Variants in GRIA3 observed in about 807,000 individuals in gnomAD.
The protein encoded by GRIA3 is glutamate receptor 3.
Under a neutral mutation model 63.0 loss-of-function variants are expected in GRIA3, and 3 were observed. That is an observed-to-expected ratio of 0.05 (90% CI 0.02 to 0.12). GRIA3 has a LOEUF of 0.12. GRIA3 is among the 10% of genes least tolerant of loss of function. GRIA3 has a pLI of 1.00. For missense variants in GRIA3, 347 were observed against 700.9 expected, an observed-to-expected ratio of 0.50 and a Z score of 5.70; for synonymous variants, 274 against 257.9, an observed-to-expected ratio of 1.06 and a Z score of -0.60.
rs2045426186 is a variant in GRIA3 at position 123,398,512 on chromosome X, TTAAA to T, written c.913-117_913-114del. 1.3e-5 allele frequency: 7 copies of T among 552,410 alleles called. No homozygotes were observed. The South Asian group carries it at 1.6e-4, about 13-fold the overall frequency. The allele number at this position is 552,410 out of a possible 1,213,427, so 45.5% of individuals were successfully genotyped here. ...ATTCAGGCTTGCCCAGAGAGATCTC[TTAAA>T]TAAATAGGGGGGTGACTGCATAGAA... is the stretch of plus-strand genomic sequence containing the variant. On this transcript the variant is annotated intron_variant, in intron 6 of 15. Coordinates refer to ENST00000620443, the MANE Select transcript of GRIA3 (RefSeq NM_007325.5).
intron 5 of GRIA3, among the ~76,000 whole-genome samples, chrX:123,369,296 G>C (rs933095169): frequency 4.4e-5 from 5 of 112,461 alleles, no homozygotes; most frequent in Non-Finnish European, 7.5e-5. Context: ...GCAGAAGAGA[G>C]CCAAGAGCCA....
At chrX:123,185,808 A>T in intron 1 of GRIA3, 24 bp from the exon 2 acceptor site, 1 of 1,204,648 alleles carries the variant, frequency 8.3e-7, no homozygotes, top group Admixed American at 2.2e-5. Context: ...ACACAAGCCA[A>T]ATCTCCGTTC....
At chrX:123,470,401 C>CA (rs1317665290) in intron 13 of GRIA3, among the ~76,000 whole-genome samples, 22 of 111,859 alleles carry the variant, frequency 2.0e-4, no homozygotes, top group Non-Finnish European at 5.7e-5. Context: ...TAAATCGTTT[C>CA]AAAAAATGCC....
At position 123,482,915 on chromosome X, in the gene GRIA3, A is replaced by G. The variant is rs988940382; in HGVS notation, c.2556A>G (p.Ala852=). The G allele has an allele frequency of 2.5e-6, 3 of 1,208,899 alleles. No homozygotes were observed. The highest frequency in any genetic ancestry group is 3.5e-5 in the African/African-American group (2 of 56,863). Residue 852 remains alanine (A), a synonymous_variant, in exon 15 of 16, where the codon GCA becomes GCG. Transcript: ENST00000620443. Reference sequence around the variant, plus strand: ...TAGAATTCTGTTACAAATCACGGGCAGAGTCCAAACGCATGAAACTCACAA... The same window carrying G: ...TAGAATTCTGTTACAAATCACGGGCGGAGTCCAAACGCATGAAACTCACAA... ...ALIEFCYKSR[A]ESKRMKLTKN...
rs1478755954 is a variant in GRIA3 at position 123,456,910 on chromosome X, C to G, written c.2077-7955C>G. Among the ~76,000 whole-genome samples the G allele has an allele frequency of 1.4e-3, 154 of 111,417 alleles. No homozygotes were observed. The Admixed American group carries it at 0.015, about 11-fold the overall frequency. On this transcript the variant is annotated intron_variant, in intron 12 of 15. Transcript: ENST00000620443. ...AGCCACCCTTTTGAATTTTTACCAC[C>G]TAGACACCTGAGCCTTTAATAAAAG...
At chrX:123,469,518 CA>C (rs2147437397) in intron 13 of GRIA3, among the ~76,000 whole-genome samples, 2 of 112,225 alleles carry the variant, frequency 1.8e-5, no homozygotes, top group South Asian at 7.5e-4. Flanking sequence ...CCCAATTTCC[CA>C]AACCTGAGCT....
Position 123,410,703 on chromosome X carries a change from G to A in GRIA3, c.1500+5789G>A, listed in dbSNP as rs752049821. Among the ~76,000 whole-genome samples, 8 of 111,636 alleles carry A rather than the reference G, an allele frequency of 7.2e-5. No individual in the cohort carries two copies. In the South Asian group the frequency reaches 3.1e-3, roughly 43 times the overall value. ...TATACTGGGCTTTGGCAGAAGGGCTGATGATTTGATAAAAGTCCCCCCTCC... is the reference window on the plus strand; with the variant it reads ...TATACTGGGCTTTGGCAGAAGGGCTAATGATTTGATAAAAGTCCCCCCTCC... On this transcript the variant is annotated intron_variant, in intron 10 of 15. Transcript: ENST00000620443.
intron 11 of GRIA3, among the ~76,000 whole-genome samples, chrX:123,426,643 T>C (rs1213447993): frequency 8.9e-6 from 1 of 112,488 alleles, no homozygotes; most frequent in East Asian, 2.8e-4. Flanking sequence ...CAGAATCACC[T>C]GTGATGCTTA....
At chrX:123,463,211 A>G (rs2045803238) in intron 12 of GRIA3, among the ~76,000 whole-genome samples, 1 of 110,560 alleles carries the variant, frequency 9.0e-6, no homozygotes, top group Non-Finnish European at 1.9e-5. Context: ...TTGAAAGGAT[A>G]GAGGAATGAC....
chrX:123,450,469 A>C (rs2045724548), intron 12 of GRIA3, among the ~76,000 whole-genome samples: 1 of 112,799 alleles, frequency 8.9e-6, no homozygotes, highest in South Asian at 3.6e-4. Context: ...CCTGGATTTG[A>C]ATACTAATTC....
At chrX:123,274,930 A>G (rs2044545673) in intron 3 of GRIA3, among the ~76,000 whole-genome samples, 1 of 111,638 alleles carries the variant, frequency 9.0e-6, no homozygotes, top group African/African-American at 3.3e-5. Context: ...AACTGGGCCC[A>G]TGGGAAAAGG....
chrX:123,404,520 CA>C lies in GRIA3; in HGVS notation c.1294-170del, dbSNP rs374514027. ...ATTACCAGTTAAGGACTCCCCCTAC[CA>C]AAAAAAAAAAAAAAAAAGTGACCCA... On this transcript the variant is annotated intron_variant, in intron 9 of 15. Coordinates refer to ENST00000620443, the MANE Select transcript of GRIA3 (RefSeq NM_007325.5). 0.027 allele frequency among the ~76,000 whole-genome samples: 1,741 copies of C among 65,456 alleles called. 45 individuals are homozygous for C. The highest frequency in any genetic ancestry group is 0.079 in the African/African-American group (1,438 of 18,295). 56.8% of individuals were successfully genotyped at this position (65,456 alleles called of 115,157 possible). A position where few individuals can be genotyped will look rare whatever the true frequency, so the allele number is the denominator to read the frequency against.
intron 3 of GRIA3, among the ~76,000 whole-genome samples, chrX:123,323,937 A>T (rs1477581062): frequency 1.8e-5 from 2 of 112,053 alleles, no homozygotes; most frequent in African/African-American, 3.2e-5. Flanking sequence ...GCAAGCAATA[A>T]TCTCATTGTC....
At chrX:123,249,648 G>A (rs1414223211) in intron 2 of GRIA3, among the ~76,000 whole-genome samples, 1 of 111,574 alleles carries the variant, frequency 9.0e-6, no homozygotes, top group Non-Finnish European at 1.9e-5. Flanking sequence ...TATATGAAAG[G>A]AGTCAAATGT....
At chrX:123,280,658 T>TTTAGAGTTATTA (rs765693949) in intron 3 of GRIA3, among the ~76,000 whole-genome samples, 26 of 112,033 alleles carry the variant, frequency 2.3e-4, no homozygotes, top group Middle Eastern at 4.6e-3. Context: ...CTTTCAGGGT[T>TTTAGAGTTATTA]TTAGAGTTAT....
chrX:123,378,403 CT>C (rs1218561636), intron 5 of GRIA3, among the ~76,000 whole-genome samples: 1 of 104,793 alleles, frequency 9.5e-6, no homozygotes, highest in Non-Finnish European at 1.9e-5. Flanking sequence ...GTATTATCAA[CT>C]TGAGGCACTT....
chrX:123,305,942 T>C (rs765340304), intron 3 of GRIA3, among the ~76,000 whole-genome samples: 9 of 111,727 alleles, frequency 8.1e-5, no homozygotes, highest in Admixed American at 5.7e-4. Context: ...ATGGGTTGGG[T>C]AGACTAAATG....
At chrX:123,324,402 T>G (rs1301419544) in intron 3 of GRIA3, among the ~76,000 whole-genome samples, 1 of 112,153 alleles carries the variant, frequency 8.9e-6, no homozygotes, top group Non-Finnish European at 1.9e-5. Context: ...TCATAAATTC[T>G]TAATTAGTGA....
At chrX:123,462,973 C>A (rs1190617853) in intron 12 of GRIA3, among the ~76,000 whole-genome samples, 1 of 111,265 alleles carries the variant, frequency 9.0e-6, no homozygotes, top group Non-Finnish European at 1.9e-5. Flanking sequence ...TCCAGAATGA[C>A]TAACATAGGG....
Sources: gnomAD v4.1 joint callset for allele counts (sites outside exome capture counted in the v4.1 genomes callset) on GRCh38, gnomAD v4.1.1 for gene constraint, MANE v1.5 for transcripts, NCBI Gene and HGNC (gene_info 2026-07-23, HGNC 2026-07-21) for gene names.